Variants in SLC14A2 observed in about 807,000 individuals in gnomAD.
The protein encoded by SLC14A2 is urea transporter 2.
A neutral mutation model predicts 104.6 loss-of-function variants in SLC14A2; 91 were observed. The observed-to-expected ratio is 0.87, with a 90% confidence interval of 0.73 to 1.04. The LOEUF is 1.04. SLC14A2 is among the 50% of genes least tolerant of loss of function. The pLI is 0.00. For synonymous variants in SLC14A2, 476 were observed against 466.4 expected, an observed-to-expected ratio of 1.02 and a Z score of -0.27; for missense variants, 1,189 against 1,156.0, an observed-to-expected ratio of 1.03 and a Z score of -0.41.
chr18:45,664,744 CT>C (rs1189820993), intron 11 of SLC14A2, among the ~76,000 whole-genome samples: 4 of 152,148 alleles, frequency 2.6e-5, no homozygotes, highest in Non-Finnish European at 5.9e-5. Context: ...GAGAAATGGA[CT>C]TTGAGTGAAT....
intron 2 of SLC14A2, among the ~76,000 whole-genome samples, chr18:45,503,005 G>A (rs768112102): frequency 6.6e-6 from 1 of 151,886 alleles, no homozygotes. Flanking sequence ...CAAGAAGAAG[G>A]CATCATTTTA....
intron 2 of SLC14A2, among the ~76,000 whole-genome samples, chr18:45,516,179 A>G (rs2043438024): frequency 6.6e-6 from 1 of 152,176 alleles, no homozygotes; most frequent in Admixed American, 6.5e-5. Context: ...TATTGAATAT[A>G]TAGTTTTTCC....
chr18:45,174,780 G>A, the SLC14A2 span, among the ~76,000 whole-genome samples: 23 of 152,138 alleles, frequency 1.5e-4, no homozygotes, highest in Non-Finnish European at 1.2e-4. Flanking sequence ...AAATATGTGA[G>A]AAAAGGAACA....
intron 2 of SLC14A2, among the ~76,000 whole-genome samples, chr18:45,502,633 A>G (rs2043216101): frequency 6.6e-6 from 1 of 152,256 alleles, no homozygotes; most frequent in Non-Finnish European, 1.5e-5. Flanking sequence ...CATAAAGCAA[A>G]GGAACAGCTC....
intron 1 of SLC14A2, among the ~76,000 whole-genome samples, chr18:45,403,697 ATTC>A (rs1458047744): frequency 1.3e-5 from 2 of 152,166 alleles, no homozygotes; most frequent in African/African-American, 2.4e-5. Flanking sequence ...TGCTGTATCT[ATTC>A]TTCTTTCTAT....
At chr18:45,633,291 T>G (rs1262143851) in intron 5 of SLC14A2, among the ~76,000 whole-genome samples, 2 of 152,226 alleles carry the variant, frequency 1.3e-5, no homozygotes, top group East Asian at 3.8e-4. Context: ...TTATGTGACG[T>G]AACCAAGACC....
At chr18:45,657,838 C>A (rs1366964286) in intron 10 of SLC14A2, among the ~76,000 whole-genome samples, 1 of 152,156 alleles carries the variant, frequency 6.6e-6, no homozygotes, top group East Asian at 1.9e-4. Context: ...AGAGAATGAT[C>A]TTTGAAAATT....
At chr18:45,671,459 T>TA (rs2046134637) in intron 16 of SLC14A2, among the ~76,000 whole-genome samples, 1 of 152,162 alleles carries the variant, frequency 6.6e-6, no homozygotes. Flanking sequence ...AGGGATTGTC[T>TA]AAACTTCCCA....
In SLC14A2 at chr18:45,627,072, A is replaced by G. The variant is rs1453585500; in HGVS notation, c.446A>G (p.Asn149Ser). The G allele has an allele frequency of 6.2e-7, 1 of 1,613,970 alleles. No homozygotes were observed. The highest frequency in any genetic ancestry group is 1.3e-5 in the African/African-American group (1 of 75,042). Reference protein sequence around the residue: ...LIIFIGLLIQNPWWTITGGLG... With the variant: ...LIIFIGLLIQSPWWTITGGLG... Reference sequence around the variant, plus strand: ...ATCTTCATAGGGCTGCTGATCCAGAATCCCTGGTGGACAATCACTGGGGGC... The same window carrying G: ...ATCTTCATAGGGCTGCTGATCCAGAGTCCCTGGTGGACAATCACTGGGGGC... Residue 149 changes from asparagine to serine, a missense_variant, in exon 4 of 20, where the codon AAT (asparagine) becomes AGT (serine). Coordinates refer to ENST00000255226, the MANE Select transcript of SLC14A2 (RefSeq NM_007163.4).
At chr18:45,441,945 AGAC>A (rs2144583794) in intron 1 of SLC14A2, among the ~76,000 whole-genome samples, 1 of 152,340 alleles carries the variant, frequency 6.6e-6, no homozygotes, top group East Asian at 1.9e-4. Context: ...TGAAAAAAGT[AGAC>A]AACAGACCCC....
At chr18:45,369,206 G>C (rs577691107) in intron 1 of SLC14A2, among the ~76,000 whole-genome samples, 1 of 152,250 alleles carries the variant, frequency 6.6e-6, no homozygotes, top group African/African-American at 2.4e-5. Flanking sequence ...TGATTCCCTA[G>C]AGCAGAAAGA....
chr18:45,671,009 A>T (rs1329053155), intron 16 of SLC14A2, among the ~76,000 whole-genome samples: 1 of 152,172 alleles, frequency 6.6e-6, no homozygotes, highest in African/African-American at 2.4e-5. Context: ...TGTGTGTGTG[A>T]GGACCTTCTT....
chr18:45,204,272 T>C, the SLC14A2 span, among the ~76,000 whole-genome samples: 1 of 152,232 alleles, frequency 6.6e-6, no homozygotes, highest in African/African-American at 2.4e-5. Flanking sequence ...TTTACAGCTC[T>C]ATCTGTTCAC....
At chr18:45,645,420 T>C (rs540005783) in intron 10 of SLC14A2, among the ~76,000 whole-genome samples, 1 of 152,174 alleles carries the variant, frequency 6.6e-6, no homozygotes, top group African/African-American at 2.4e-5. Context: ...TTAAGGAAAG[T>C]ACCTGAGTTC....
chr18:45,560,319 G>A (rs963627898), intron 2 of SLC14A2, among the ~76,000 whole-genome samples: 2 of 152,188 alleles, frequency 1.3e-5, no homozygotes, highest in East Asian at 3.9e-4. Flanking sequence ...CAAAAGGTCA[G>A]TAACTGACCA....
chr18:45,495,187 A>G (rs1440467066), intron 2 of SLC14A2, among the ~76,000 whole-genome samples: 1 of 152,226 alleles, frequency 6.6e-6, no homozygotes, highest in Non-Finnish European at 1.5e-5. Context: ...CAGGAGGAGA[A>G]GAAAGAAAAG....
chr18:45,387,284 G>A (rs1441817200), intron 1 of SLC14A2, among the ~76,000 whole-genome samples: 1 of 152,150 alleles, frequency 6.6e-6, no homozygotes, highest in Admixed American at 6.5e-5. Context: ...GTATTTCAAA[G>A]TATTAAACCC....
intron 2 of SLC14A2, among the ~76,000 whole-genome samples, chr18:45,592,998 G>A (rs1339419120): frequency 1.3e-5 from 2 of 152,198 alleles, no homozygotes; most frequent in Non-Finnish European, 2.9e-5. Context: ...AAGATCCAAA[G>A]TTCTAGACCA....
intron 1 of SLC14A2, among the ~76,000 whole-genome samples, chr18:45,343,206 A>G (rs954252446): frequency 1.3e-5 from 2 of 151,062 alleles, no homozygotes; most frequent in African/African-American, 4.9e-5. Flanking sequence ...AAGCTCCTCA[A>G]AGTTACCTTC....
Sources: allele counts gnomAD v4.1 joint callset (sites outside exome capture counted in the v4.1 genomes callset), GRCh38; gene constraint gnomAD v4.1.1; transcripts MANE v1.5; gene names NCBI Gene and HGNC (gene_info 2026-07-23, HGNC 2026-07-21).